The following CYP3A5 variants were observed in gnomAD, a reference collection of about 807,000 sequenced individuals.
CYP3A5 encodes the protein cytochrome P450 3A5.
A neutral mutation model predicts 55.9 loss-of-function variants in CYP3A5; 51 were observed. That is an observed-to-expected ratio of 0.91 (90% CI 0.73 to 1.15). CYP3A5 has a LOEUF of 1.15. CYP3A5 is among the 50% of genes most tolerant of loss of function. CYP3A5 has a pLI of 0.00. For synonymous variants in CYP3A5, 196 were observed against 213.9 expected (o/e 0.92, Z 0.73); for missense variants, 533 against 596.6 (o/e 0.89, Z 1.11).
intron 8 of CYP3A5, chr7:99,663,424 G>A (rs1810641953): frequency 3.0e-6 from 3 of 989,906 alleles, no homozygotes; most frequent in Non-Finnish European, 3.6e-6. Context: ...GGCCTCTAGG[G>A]CTCGTGAAGG....
intron 9 of CYP3A5, among the ~76,000 whole-genome samples, chr7:99,660,983 A>G (rs577909949): frequency 6.6e-6 from 1 of 152,296 alleles, no homozygotes; most frequent in East Asian, 1.9e-4. Context: ...TGTGCCTTGA[A>G]TGATCCTAAA....
In CYP3A5 at chr7:99,660,599, GT is replaced by G. The variant is rs970352696; in HGVS notation, c.925del (p.Thr309ProfsTer52). ...SIIFIFAGYE[T>X]TSSVLSFTLY... is the part of the protein sequence containing the mutation. ...AGTGAAGGAAAGAACACTGCTGGTGGTTTCATAGCCAGCAAAAATGAAGATT... is the reference window on the plus strand; with the variant it reads ...AGTGAAGGAAAGAACACTGCTGGTGGTTCATAGCCAGCAAAAATGAAGATT... On this transcript the variant is annotated frameshift_variant, in exon 10 of 13. Coordinates refer to ENST00000222982, the MANE Select transcript of CYP3A5 (RefSeq NM_000777.5). LOFTEE classifies it high-confidence loss of function. 4 of 1,613,858 alleles carry G rather than the reference GT, an allele frequency of 2.5e-6. No homozygotes were observed. The highest frequency in any genetic ancestry group is 3.4e-6 in the Non-Finnish European group (4 of 1,179,964).
intron 4 of CYP3A5, among the ~76,000 whole-genome samples, chr7:99,672,079 T>G (rs1811708205): frequency 6.6e-6 from 1 of 152,056 alleles, no homozygotes; most frequent in Non-Finnish European, 1.5e-5. Flanking sequence ...TGAGATGGAG[T>G]CTCATTGGGT....
rs1042260723 is a variant in CYP3A5, at chr7:99,653,850, G to A, written c.1027-1071C>T. 6.6e-6 allele frequency among the ~76,000 whole-genome samples: 1 copy of A among 152,228 alleles called. No individual in the cohort carries two copies. Among genetic ancestry groups the A allele is most frequent in the Non-Finnish European group, 1.5e-5 (1 of 68,036 alleles). ...GGAGGCAGTATTGTAGAGGGTTAGAGTTTAGCTCAGGAGTCAGATACCCTG... is the reference window on the plus strand; with the variant it reads ...GGAGGCAGTATTGTAGAGGGTTAGAATTTAGCTCAGGAGTCAGATACCCTG... On this transcript the variant is annotated intron_variant, in intron 10 of 12. Transcript: ENST00000222982. The surrounding 1 kb of genome is among the most constrained non-coding windows in gnomAD (Gnocchi z 4.2).
At chr7:99,661,822 A>C (rs1810477199) in intron 9 of CYP3A5, among the ~76,000 whole-genome samples, 1 of 152,234 alleles carries the variant, frequency 6.6e-6, no homozygotes, top group East Asian at 1.9e-4. Flanking sequence ...GTAATTTTAA[A>C]GTTGGGAGCT....
chr7:99,649,216 TG>T (rs1808916350), intron 12 of CYP3A5, among the ~76,000 whole-genome samples: 1 of 152,162 alleles, frequency 6.6e-6, no homozygotes, highest in African/African-American at 2.4e-5. Flanking sequence ...GCCCCCTGCC[TG>T]AATACACACA....
intron 10 of CYP3A5, among the ~76,000 whole-genome samples, chr7:99,656,122 T>C (rs186615517): frequency 4.6e-4 from 70 of 152,322 alleles, no homozygotes; most frequent in Middle Eastern, 3.4e-3. Context: ...CTATGTTGAA[T>C]AGGAGTGGTG....
chr7:99,649,318 G>A (rs1345319688), intron 12 of CYP3A5, among the ~76,000 whole-genome samples: 1 of 152,120 alleles, frequency 6.6e-6, no homozygotes, highest in African/African-American at 2.4e-5. Flanking sequence ...GTACTTAAGG[G>A]GTAGAGTTGC....
rs1812668788 is a variant in CYP3A5 at position 99,679,861 on chromosome 7, C to T, written c.36G>A (p.Trp12Ter). Residue 12 changes from tryptophan (W) to a stop codon, truncating the protein, a stop_gained, in exon 1 of 13, where the codon TGG (tryptophan) becomes TGA (stop). Transcript: ENST00000222982. LOFTEE classifies it high-confidence loss of function. ...GCACCAGGCTGACAGCCAGGAGAAG[C>T]CAGGTTTCCACCGCCAAATTTGGGA... The part of the protein sequence containing the change: ...DLIPNLAVET[W>*]LLLAVSLVLL... 6.2e-7 allele frequency: 1 copy of T among 1,614,084 alleles called. No individual in the cohort carries two copies. Among genetic ancestry groups the T allele is most frequent in the Non-Finnish European group, 8.5e-7 (1 of 1,179,966 alleles).
Position 99,663,999 on chromosome 7 carries a change from A to G in CYP3A5, c.767T>C (p.Met256Thr), listed in dbSNP as rs201987859. The G allele has an allele frequency of 1.3e-6, 2 of 1,593,092 alleles. No individual in the cohort carries two copies. The highest frequency in any genetic ancestry group is 1.9e-5 in the Admixed American group (1 of 52,832). Reference sequence around the variant, plus strand: ...TTTGTCGTTGAGGCGACTTTTCTTCATTCTGTTTACAGATTTACTTAAAAA... The same window carrying G: ...TTTGTCGTTGAGGCGACTTTTCTTCGTTCTGTTTACAGATTTACTTAAAAA... ...INFLSKSVNR[M>T]KKSRLNDKQK... The change falls in exon 8 of 13, where the codon ATG (methionine) becomes ACG (threonine). Residue 256 changes from methionine to threonine, a missense_variant. By Grantham distance (81) the Met-to-Thr change is moderately conservative. Coordinates refer to ENST00000222982, the MANE Select transcript of CYP3A5 (RefSeq NM_000777.5).
At chr7:99,676,317 A>T in intron 1 of CYP3A5, 109 bp from the exon 2 acceptor site, 1 of 1,573,464 alleles carries the variant, frequency 6.4e-7, no homozygotes, top group Non-Finnish European at 8.6e-7. Context: ...TAATATGTAC[A>T]CGATAAATAA....
At chr7:99,670,320 A>G (rs1244756419) in intron 4 of CYP3A5, among the ~76,000 whole-genome samples, 4 of 152,180 alleles carry the variant, frequency 2.6e-5, no homozygotes, top group Admixed American at 2.6e-4. Context: ...TAACAATACA[A>G]TGTTTCAAAC....
chr7:99,676,245 T>A, intron 1 of CYP3A5, 37 bp from the exon 2 acceptor site: 1 of 1,612,038 alleles, frequency 6.2e-7, no homozygotes, highest in Non-Finnish European at 8.5e-7. Context: ...ACAGGGATTG[T>A]GACTTTATAG....
Position 99,664,062 on chromosome 7 carries a change from G to T in CYP3A5, c.704C>A (p.Ala235Glu). Residue 235 changes from alanine (A) to glutamate (E), a missense_variant, in exon 8 of 13, where the codon GCA becomes GAA. Ala to Glu is a moderately radical substitution (Grantham distance 107). Coordinates refer to ENST00000222982, the MANE Select transcript of CYP3A5 (RefSeq NM_000777.5). ...LFPFLTPVFE[A>E]LNVSLFPKDT... ...TTTTGGAAACAGAGAGACATTTAAT[G>T]CTTCAAAAACTGGGGTAAGGAATGG... The T allele has an allele frequency of 6.3e-7, 1 of 1,595,076 alleles. No homozygotes were observed. Among genetic ancestry groups the T allele is most frequent in the South Asian group, 1.2e-5 (1 of 86,014 alleles).
chr7:99,655,495 T>C (rs1809621338), intron 10 of CYP3A5, among the ~76,000 whole-genome samples: 1 of 152,234 alleles, frequency 6.6e-6, no homozygotes, highest in South Asian at 2.1e-4. Flanking sequence ...TGTAGTATAG[T>C]TTGAAGTCAG....
chr7:99,677,237 A>G, intron 1 of CYP3A5: 1 of 985,430 alleles, frequency 1.0e-6, no homozygotes, highest in Non-Finnish European at 1.2e-6. Context: ...AGGGATGGAA[A>G]ACTGGAGGAA....
Position 99,650,243 on chromosome 7 carries a change from A to G in CYP3A5, c.1254-11T>C. 6.2e-7 allele frequency: 1 copy of G among 1,610,844 alleles called. No homozygotes were observed. The highest frequency in any genetic ancestry group is 8.5e-7 in the Non-Finnish European group (1 of 1,177,982). On this transcript the variant is annotated splice_polypyrimidine_tract_variant and intron_variant, in intron 11 of 12. Coordinates refer to ENST00000222982, the MANE Select transcript of CYP3A5 (RefSeq NM_000777.5). ...TTCTTCTTACTGAACCTAGTTCCAT[A>G]TTGGTAGATTAAATAGTTAATGAAA...
chr7:99,653,703 C>T lies in CYP3A5; in HGVS notation c.1027-924G>A, dbSNP rs556036970. ...GGATGTAAATGTCCCTTTGTGTCTG[C>T]CTCACAGCCACACCAGGGTCAGCCC... On this transcript the variant is annotated intron_variant, in intron 10 of 12. Coordinates refer to ENST00000222982, the MANE Select transcript of CYP3A5 (RefSeq NM_000777.5). The surrounding 1 kb of genome is among the most constrained non-coding windows in gnomAD (Gnocchi z 4.2). Among the ~76,000 whole-genome samples, 1 of 152,138 alleles carries T rather than the reference C, an allele frequency of 6.6e-6. No individual in the cohort carries two copies. The highest frequency in any genetic ancestry group is 2.4e-5 in the African/African-American group (1 of 41,410).
intron 9 of CYP3A5, among the ~76,000 whole-genome samples, chr7:99,661,601 A>G (rs565759998): frequency 1.3e-5 from 2 of 152,330 alleles, no homozygotes; most frequent in East Asian, 1.9e-4. Context: ...CTGGATTAGG[A>G]CCTTTAGAGA....
Sources: allele counts gnomAD v4.1 joint callset (sites outside exome capture counted in the v4.1 genomes callset), GRCh38; gene constraint gnomAD v4.1.1; non-coding constraint Gnocchi (gnomAD v3.1); transcripts MANE v1.5; gene names NCBI Gene and HGNC (gene_info 2026-07-23, HGNC 2026-07-21).